The following CCDC30 variants were observed in gnomAD, a reference collection of about 807,000 sequenced individuals.
The protein encoded by CCDC30 is coiled-coil domain-containing protein 30.
In CCDC30, 70 loss-of-function variants were observed where a neutral mutation model predicts 100.2. The observed-to-expected ratio is 0.70, with a 90% CI of 0.58 to 0.85. CCDC30 has a LOEUF of 0.85. Among genes scored for constraint, CCDC30 ranks in the 40% least tolerant of loss-of-function variants. CCDC30 has a pLI of 0.00. For synonymous variants in CCDC30, 233 were observed against 269.5 expected, an observed-to-expected ratio of 0.86 and a Z score of 1.33; for missense variants, 652 against 771.2, an observed-to-expected ratio of 0.85 and a Z score of 1.83.
intron 6 of CCDC30, among the ~76,000 whole-genome samples, chr1:42,526,675 G>A (rs2148509602): frequency 6.6e-6 from 1 of 152,118 alleles, no homozygotes; most frequent in African/African-American, 2.4e-5. Flanking sequence ...TTTTTTATGT[G>A]AATACACCAA....
At position 42,596,720 on chromosome 1, in the gene CCDC30, GA is replaced by G. The variant is rs1557431609; in HGVS notation, c.1164+7238del. ...TTTCGCTATCAAGAAAAAATTACAA[GA>G]CACGCTAAAAGGCAAAAAAACAAAC... On this transcript the variant is annotated intron_variant, in intron 10 of 16. Transcript: ENST00000668663. The surrounding 1 kb of genome is among the most constrained non-coding windows in gnomAD (Gnocchi z 4.3). Among the ~76,000 whole-genome samples the G allele has an allele frequency of 6.8e-6, 1 of 147,708 alleles. No homozygotes were observed. Among genetic ancestry groups the G allele is most frequent in the African/African-American group, 2.5e-5 (1 of 39,708 alleles).
chr1:42,602,501 T>A (rs1225866618), intron 10 of CCDC30, among the ~76,000 whole-genome samples: 1 of 152,192 alleles, frequency 6.6e-6, no homozygotes, highest in East Asian at 1.9e-4. Context: ...AGAGCAATCA[T>A]CAATAAATAT....
upstream of CCDC30, among the ~76,000 whole-genome samples, chr1:42,460,886 A>G (rs1447721414): frequency 1.3e-5 from 2 of 152,244 alleles, no homozygotes; most frequent in Admixed American, 1.3e-4. Context: ...AATGGTTGCA[A>G]TTATTGTTTT....
chr1:42,460,335 C>T (rs960138389), upstream of CCDC30: 47 of 986,936 alleles, frequency 4.8e-5, no homozygotes, highest in Non-Finnish European at 5.3e-5. Flanking sequence ...GATGAATAAA[C>T]ATATCTTGTT....
intron 6 of CCDC30, among the ~76,000 whole-genome samples, chr1:42,548,563 C>A (rs1431142128): frequency 6.6e-6 from 1 of 151,846 alleles, no homozygotes; most frequent in Non-Finnish European, 1.5e-5. Flanking sequence ...TGCCTTGGGA[C>A]CAAGTTATAT....
intron 11 of CCDC30, among the ~76,000 whole-genome samples, chr1:42,634,249 C>CAAAAAAAAAA (rs754829759): frequency 3.5e-5 from 4 of 115,314 alleles, no homozygotes; most frequent in East Asian, 2.9e-4. Flanking sequence ...AAGACTGTCT[C>CAAAAAAAAAA]AAAAAAAAAA....
At chr1:42,536,270 A>G (rs1355499841) in intron 6 of CCDC30, among the ~76,000 whole-genome samples, 1 of 152,202 alleles carries the variant, frequency 6.6e-6, no homozygotes, top group Admixed American at 6.5e-5. Context: ...GCTATAATGT[A>G]GGTAGAACAA....
At chr1:42,578,167 T>A (rs534262118) in intron 8 of CCDC30, among the ~76,000 whole-genome samples, 2 of 152,090 alleles carry the variant, frequency 1.3e-5, no homozygotes, top group South Asian at 4.1e-4. Flanking sequence ...ACAAAAAAAA[T>A]TTCATCAAAC....
chr1:42,621,830 A>C (rs1301256908), intron 11 of CCDC30, among the ~76,000 whole-genome samples: 1 of 151,146 alleles, frequency 6.6e-6, no homozygotes, highest in Non-Finnish European at 1.5e-5. Context: ...TTATGTTTGT[A>C]GAGTCAAGGT....
chr1:42,639,514 T>C (rs1334616504), intron 12 of CCDC30, among the ~76,000 whole-genome samples: 1 of 152,196 alleles, frequency 6.6e-6, no homozygotes, highest in Admixed American at 6.5e-5. Context: ...CTTCATAAAA[T>C]GTGCTGGAGC....
intron 6 of CCDC30, among the ~76,000 whole-genome samples, chr1:42,499,343 C>T (rs1236088557): frequency 6.6e-6 from 1 of 151,868 alleles, no homozygotes; most frequent in Admixed American, 6.6e-5. Flanking sequence ...TTTTAATTTG[C>T]CTTTTGAGGG....
intron 6 of CCDC30, among the ~76,000 whole-genome samples, chr1:42,527,728 C>G (rs1377096210): frequency 6.6e-6 from 1 of 152,072 alleles, no homozygotes; most frequent in South Asian, 2.1e-4. Flanking sequence ...TTCTTCCTTC[C>G]CACATTCTAG....
intron 1 of CCDC30, among the ~76,000 whole-genome samples, chr1:42,471,715 T>C (rs1197954727): frequency 6.6e-6 from 1 of 152,118 alleles, no homozygotes; most frequent in African/African-American, 2.4e-5. Context: ...TTTAGTTATA[T>C]GTCATGAAGA....
At chr1:42,506,463 G>T (rs185225070) in intron 6 of CCDC30, among the ~76,000 whole-genome samples, 1 of 152,284 alleles carries the variant, frequency 6.6e-6, no homozygotes, top group African/African-American at 2.4e-5. Flanking sequence ...CTGACAAAGA[G>T]ATTTGGTTAT....
chr1:42,592,986 A>T (rs576639840), intron 10 of CCDC30: 1 of 152,270 alleles, frequency 6.6e-6, no homozygotes, highest in East Asian at 1.9e-4. Context: ...AAAATGGCCA[A>T]ATACAACTTC....
intron 3 of CCDC30, among the ~76,000 whole-genome samples, chr1:42,484,635 C>A (rs903245266): frequency 6.6e-6 from 1 of 152,154 alleles, no homozygotes. Flanking sequence ...TCTGTAACTT[C>A]CTGAGTCATC....
intron 6 of CCDC30, among the ~76,000 whole-genome samples, chr1:42,532,530 C>T (rs1315333291): frequency 6.6e-6 from 1 of 152,082 alleles, no homozygotes; most frequent in Non-Finnish European, 1.5e-5. Flanking sequence ...AAAATAATAG[C>T]CACAATATAT....
intron 11 of CCDC30, among the ~76,000 whole-genome samples, chr1:42,616,316 T>C (rs35841771): frequency 1.0e-3 from 156 of 152,330 alleles, no homozygotes; most frequent in Non-Finnish European, 1.9e-3. Flanking sequence ...TGCACATGCC[T>C]GGGCTCCAAC....
rs544602454 is a variant in CCDC30 at position 42,559,956 on chromosome 1, G to A, written c.457-6340G>A. ...AACAAATGGTCTCTGAGACCACAGT[G>A]CAATCAAATTAGAACTCAGGATTAA... On this transcript the variant is annotated intron_variant, in intron 6 of 16. Transcript: ENST00000668663. Among the ~76,000 whole-genome samples, 173 of 152,244 alleles carry A rather than the reference G, an allele frequency of 1.1e-3. 1 individual carries two copies. The highest frequency in any genetic ancestry group is 2.1e-3 in the Non-Finnish European group (144 of 68,012).
Sources: gnomAD v4.1 joint callset for allele counts (sites outside exome capture counted in the v4.1 genomes callset) on GRCh38, gnomAD v4.1.1 for gene constraint, Gnocchi (gnomAD v3.1) non-coding constraint, MANE v1.5 for transcripts, NCBI Gene and HGNC (gene_info 2026-07-23, HGNC 2026-07-21) for gene names.